SMG7: variants seen among roughly 807,000 people sequenced by gnomAD.
The protein encoded by SMG7 is nonsense-mediated mRNA decay factor SMG7.
Under a neutral mutation model 148.2 loss-of-function variants are expected in SMG7, and 34 were observed. The observed-to-expected ratio is 0.23, with a 90% CI of 0.17 to 0.31. The LOEUF (loss-of-function observed/expected upper bound fraction) is 0.31, where lower values mean the gene tolerates loss of function less well. Ranked by LOEUF, SMG7 falls within the 10% of genes least tolerant of loss-of-function variation. The pLI is 1.00. For synonymous variants in SMG7, 492 were observed against 515.1 expected (o/e 0.96, Z 0.61); for missense variants, 1,114 against 1,408.4 (o/e 0.79, Z 3.35).
intron 1 of SMG7, among the ~76,000 whole-genome samples, chr1:183,483,410 G>A (rs2702178): frequency 0.35 from 53,303 of 151,934 alleles, 9,528 homozygotes; most frequent in East Asian, 0.52. Flanking sequence ...GAGATAATTA[G>A]TAGTGAGGTA....
At chr1:183,539,711 A>C (rs1668457776) in intron 12 of SMG7, among the ~76,000 whole-genome samples, 1 of 152,204 alleles carries the variant, frequency 6.6e-6, no homozygotes, top group Non-Finnish European at 1.5e-5. Flanking sequence ...CCAAGCTAGA[A>C]ATCTGAAAAA....
chr1:183,545,868 T>C lies in SMG7; in HGVS notation c.2371-98T>C. On this transcript the variant is annotated intron_variant, in intron 16 of 22. Coordinates refer to ENST00000688051, the MANE Select transcript of SMG7 (RefSeq NM_001375584.1). ...GCTGCCTTGCCTAGAGTTTTGTTGGTTGGAAAACACCCCAAGTTCATTCTG... is the reference window on the plus strand; with the variant it reads ...GCTGCCTTGCCTAGAGTTTTGTTGGCTGGAAAACACCCCAAGTTCATTCTG... 7 of 1,421,858 alleles carry C rather than the reference T, an allele frequency of 4.9e-6. No individual in the cohort carries two copies. The Admixed American group carries it at 1.4e-4, about 29-fold the overall frequency. 88.1% of individuals were successfully genotyped at this position (1,421,858 alleles called of 1,614,324 possible).
At chr1:183,537,101 C>T (rs761480655) in intron 10 of SMG7, 44 bp from the exon 11 acceptor site, 1 of 1,390,222 alleles carries the variant, frequency 7.2e-7, no homozygotes, top group Non-Finnish European at 1.0e-6. Context: ...GTTCTGGTTT[C>T]TCTTACATAA....
chr1:183,491,942 CA>C (rs1657148030), intron 1 of SMG7, among the ~76,000 whole-genome samples: 1 of 151,868 alleles, frequency 6.6e-6, no homozygotes, highest in Non-Finnish European at 1.5e-5. Flanking sequence ...GATGGAAGGG[CA>C]AAAAAGGCCG....
chr1:183,480,739 C>T lies in SMG7; in HGVS notation c.29+8090C>T, dbSNP rs181969999. The stretch of plus-strand genomic sequence containing the variant: ...TTACAGGGTGTTCTGAGCTCTGTTG[C>T]GTTTAGCATCAAGATTTCATGATTC... On this transcript the variant is annotated intron_variant, in intron 1 of 22. Transcript: ENST00000688051. Among the ~76,000 whole-genome samples, 6 of 152,212 alleles carry T rather than the reference C, an allele frequency of 3.9e-5. No homozygotes were observed. The East Asian group carries it at 7.7e-4, about 20-fold the overall frequency.
chr1:183,529,684 A>G, intron 8 of SMG7, 151 bp downstream of exon 8: 2 of 630,278 alleles, frequency 3.2e-6, no homozygotes, highest in Non-Finnish European at 5.3e-6. Flanking sequence ...TGCATTTATC[A>G]TCCCTTCAAT....
chr1:183,549,360 C>CCG, intron 19 of SMG7, 72 bp downstream of exon 19: 1 of 1,078,236 alleles, frequency 9.3e-7, no homozygotes, highest in African/African-American at 1.6e-5. Context: ...CATACTGTTT[C>CCG]AGTATGTCTG....
chr1:183,545,371 T>G, intron 16 of SMG7, 59 bp downstream of exon 16: 2 of 1,544,838 alleles, frequency 1.3e-6, no homozygotes, highest in Non-Finnish European at 1.7e-6. Flanking sequence ...TGCTGAAAGA[T>G]TCAATGTTAG....
At chr1:183,488,158 A>C (rs938874750) in intron 1 of SMG7, among the ~76,000 whole-genome samples, 9 of 152,214 alleles carry the variant, frequency 5.9e-5, no homozygotes, top group African/African-American at 2.2e-4. Flanking sequence ...TTCACCAAAA[A>C]TTGCTATTGG....
rs1571798381 is a variant in SMG7, at chr1:183,489,800, T to G, written c.29+17151T>G. ...CAATGGTTTTGTTACTCTACCTATT[T>G]AGGTGGAAGGAGAAAGAAGAAACAA... On this transcript the variant is annotated intron_variant, in intron 1 of 22. Transcript: ENST00000688051. Among the ~76,000 whole-genome samples, 3 of 152,292 alleles carry G rather than the reference T, an allele frequency of 2.0e-5. No homozygotes were observed. The East Asian group carries it at 5.8e-4, about 29-fold the overall frequency.
chr1:183,517,956 T>C (rs1280765053), intron 4 of SMG7, 136 bp downstream of exon 4: 1 of 913,642 alleles, frequency 1.1e-6, no homozygotes, highest in Non-Finnish European at 1.7e-6. Context: ...TATAATCTTT[T>C]CTTTTTTGGC....
In SMG7 at chr1:183,546,187, C is replaced by T. The variant is rs1474315469; in HGVS notation, c.2592C>T (p.Val864=). The change falls in exon 17 of 23, where the codon GTC becomes GTT. Residue 864 remains valine, a synonymous_variant. Coordinates refer to ENST00000688051, the MANE Select transcript of SMG7 (RefSeq NM_001375584.1). ...MEPYNHNPSE[V]KVPEFYWDSS... ...CATATAACCATAATCCCTCAGAAGT[C>T]AAGGTCCCAGAATTCTACTGGGATT... 1 of 1,614,030 alleles carries T rather than the reference C, an allele frequency of 6.2e-7. No individual in the cohort carries two copies. Among genetic ancestry groups the T allele is most frequent in the Non-Finnish European group, 8.5e-7 (1 of 1,179,986 alleles).
chr1:183,538,069 A>T (rs1668115353), intron 11 of SMG7, among the ~76,000 whole-genome samples: 1 of 152,194 alleles, frequency 6.6e-6, no homozygotes, highest in Admixed American at 6.5e-5. Context: ...GTAAAAAGAG[A>T]CAGGTAATCT....
intron 12 of SMG7, among the ~76,000 whole-genome samples, chr1:183,539,269 A>T (rs1189649547): frequency 6.6e-6 from 1 of 152,160 alleles, no homozygotes; most frequent in East Asian, 1.9e-4. Flanking sequence ...CAGTGACTAT[A>T]GTCTTTATCC....
In SMG7 at chr1:183,472,576, G is replaced by A; in HGVS notation, c.-45G>A. 7.1e-7 allele frequency: 1 copy of A among 1,403,854 alleles called. No homozygotes were observed. The highest frequency in any genetic ancestry group is 9.4e-7 in the Non-Finnish European group (1 of 1,069,310). 87.0% of individuals were successfully genotyped at this position (1,403,854 alleles called of 1,614,324 possible). On this transcript the variant is annotated 5_prime_UTR_variant, in exon 1 of 23. Transcript: ENST00000688051. Reference sequence around the variant, plus strand: ...CGGGGCCGCTCCGAGGAGCCTGAGAGACCCACGGAGGCTTCGCGGGAAGAC... The same window carrying A: ...CGGGGCCGCTCCGAGGAGCCTGAGAAACCCACGGAGGCTTCGCGGGAAGAC...
intron 1 of SMG7, among the ~76,000 whole-genome samples, chr1:183,496,345 A>C (rs774331954): frequency 3.3e-5 from 5 of 151,920 alleles, no homozygotes; most frequent in Non-Finnish European, 5.9e-5. Flanking sequence ...TCTCTATTGG[A>C]TCTTTTCTAT....
intron 10 of SMG7, 74 bp from the exon 11 acceptor site, chr1:183,537,071 C>T (rs1667922495): frequency 2.0e-6 from 2 of 1,025,478 alleles, no homozygotes; most frequent in East Asian, 2.4e-5. Flanking sequence ...CTATAGATAC[C>T]ATTTTCATGG....
chr1:183,476,067 G>C (rs767570659), intron 1 of SMG7, among the ~76,000 whole-genome samples: 5 of 152,134 alleles, frequency 3.3e-5, no homozygotes, highest in Non-Finnish European at 7.4e-5. Context: ...AATCATAAAG[G>C]CTTGTGCCAG....
Position 183,552,640 on chromosome 1 carries a change from G to A in SMG7, c.*709G>A, listed in dbSNP as rs1349732285. The stretch of plus-strand genomic sequence containing the variant: ...TCCAGCAGGGAATGCCCTTCACTCT[G>A]TAGGTGCTCGAGCCCCAATCGAGGA... On this transcript the variant is annotated 3_prime_UTR_variant, in exon 23 of 23. Coordinates refer to ENST00000688051, the MANE Select transcript of SMG7 (RefSeq NM_001375584.1). The A allele has an allele frequency of 9.2e-7, 1 of 1,089,930 alleles. No homozygotes were observed. 67.5% of individuals were successfully genotyped at this position (1,089,930 alleles called of 1,614,324 possible).
Sources: gnomAD v4.1 joint callset for allele counts (sites outside exome capture counted in the v4.1 genomes callset) on GRCh38, gnomAD v4.1.1 for gene constraint, MANE v1.5 for transcripts, NCBI Gene and HGNC (gene_info 2026-07-23, HGNC 2026-07-21) for gene names.